DTWD1: variants seen among roughly 807,000 people sequenced by gnomAD.
The protein encoded by DTWD1 is tRNA-uridine aminocarboxypropyltransferase 1.
In DTWD1, 27 loss-of-function variants were observed where a neutral mutation model predicts 30.2. The ratio of observed to expected loss-of-function variants is 0.90; its 90% CI spans 0.66 to 1.23. The LOEUF is 1.23. Among genes scored for constraint, DTWD1 ranks in the 50% most tolerant of loss-of-function variants. DTWD1 has a pLI of 0.00. For missense variants in DTWD1, 342 were observed against 348.8 expected (o/e 0.98, Z 0.15); for synonymous variants, 99 against 113.1 (o/e 0.88, Z 0.79).
chr15:49,624,629 G>A (rs1028546273), intron 1 of DTWD1, among the ~76,000 whole-genome samples: 19 of 152,100 alleles, frequency 1.2e-4, no homozygotes, highest in Admixed American at 4.6e-4. Flanking sequence ...TGGATATGAA[G>A]TTTTATATGT....
intron 2 of DTWD1, among the ~76,000 whole-genome samples, chr15:49,629,390 A>G (rs142920213): frequency 1.8e-4 from 27 of 152,326 alleles, no homozygotes; most frequent in East Asian, 9.6e-4. Context: ...AAATTTGTCA[A>G]TAACACTCCT....
intron 4 of DTWD1, 52 bp from the exon 5 acceptor site, chr15:49,643,279 A>T: frequency 6.9e-7 from 1 of 1,449,240 alleles, no homozygotes; most frequent in Non-Finnish European, 9.1e-7. Context: ...TTAAGAAGAA[A>T]TATTTATATT....
At chr15:49,622,587 C>G (rs2078765137) in intron 1 of DTWD1, among the ~76,000 whole-genome samples, 1 of 152,168 alleles carries the variant, frequency 6.6e-6, no homozygotes, top group Admixed American at 6.5e-5. Flanking sequence ...GTCTTTTTAG[C>G]CCCCATGACT....
intron 1 of DTWD1, among the ~76,000 whole-genome samples, chr15:49,622,124 T>C (rs2078745255): frequency 6.6e-6 from 1 of 152,190 alleles, no homozygotes; most frequent in South Asian, 2.1e-4. Flanking sequence ...CTGGATGTGT[T>C]TTGCAGAATG....
At position 49,654,271 on chromosome 15, in the gene DTWD1, G is replaced by A. The variant is rs2079167913; in HGVS notation, c.*10693G>A. On this transcript the variant is annotated 3_prime_UTR_variant, in exon 5 of 5. Transcript: ENST00000403028. ...GTACAGAGTAAGTACATTTTTGCAT[G>A]TTAGTGAGACAAGAACTGTGGCCGG... is the stretch of plus-strand genomic sequence containing the variant. 2 of 152,070 alleles carry A rather than the reference G, an allele frequency of 1.3e-5. No homozygotes were observed. The highest frequency in any genetic ancestry group is 2.9e-5 in the Non-Finnish European group (2 of 68,018). The allele number at this position is 152,070 out of a possible 1,614,324, so 9.4% of individuals were successfully genotyped here. A position where few individuals can be genotyped will look rare whatever the true frequency, so the allele number is the denominator to read the frequency against.
rs1033960266 is a variant in DTWD1, at chr15:49,643,624, A to G, written c.*46A>G. 6.6e-7 allele frequency: 1 copy of G among 1,516,382 alleles called. No individual in the cohort carries two copies. The highest frequency in any genetic ancestry group is 1.4e-5 in the African/African-American group (1 of 70,406). 93.9% of individuals were successfully genotyped at this position (1,516,382 alleles called of 1,614,324 possible). On this transcript the variant is annotated 3_prime_UTR_variant, in exon 5 of 5. Transcript: ENST00000403028. Reference sequence around the variant, plus strand: ...TCTTTTTATTTTGCTAACATTAATAAACTTATATTTGTGCTTTGTTTTTTC... The same window carrying G: ...TCTTTTTATTTTGCTAACATTAATAGACTTATATTTGTGCTTTGTTTTTTC...
intron 3 of DTWD1, among the ~76,000 whole-genome samples, chr15:49,633,963 G>T (rs893114630): frequency 6.6e-6 from 1 of 152,090 alleles, no homozygotes; most frequent in Admixed American, 6.5e-5. Flanking sequence ...CTTAGATATT[G>T]TAAGTGTCTG....
Position 49,643,605 on chromosome 15 carries a change from T to G in DTWD1, c.*27T>G. 1 of 1,549,838 alleles carries G rather than the reference T, an allele frequency of 6.5e-7. No homozygotes were observed. Among genetic ancestry groups the G allele is most frequent in the East Asian group, 2.3e-5 (1 of 43,818 alleles). ...TTTTAACAAGCCACTTATGTCTTTT[T>G]ATTTTGCTAACATTAATAAACTTAT... is the stretch of plus-strand genomic sequence containing the variant. On this transcript the variant is annotated 3_prime_UTR_variant, in exon 5 of 5. Coordinates refer to ENST00000403028, the MANE Select transcript of DTWD1 (RefSeq NM_001144955.2).
chr15:49,643,559 CAGGAAA>C lies in DTWD1; in HGVS notation c.898_903del (p.Gly300_Lys301del). 6.3e-7 allele frequency: 1 copy of C among 1,594,792 alleles called. No homozygotes were observed. Among genetic ancestry groups the C allele is most frequent in the South Asian group, 1.2e-5 (1 of 86,772 alleles). On this transcript the variant is annotated inframe_deletion, in exon 5 of 5. Transcript: ENST00000403028. ...GCCAAATGCTCTGGAGATAAGGAAA[CAGGAAA>C]ACTTACACATTAGTTTTTAACAAGC...
In DTWD1 at chr15:49,632,622, T is replaced by C. The variant is rs2078938503; in HGVS notation, c.408+320T>C. Among the ~76,000 whole-genome samples the C allele has an allele frequency of 2.0e-5, 3 of 152,186 alleles. No individual in the cohort carries two copies. In the South Asian group the frequency reaches 6.2e-4, roughly 32 times the overall value. On this transcript the variant is annotated intron_variant, in intron 3 of 4. Transcript: ENST00000403028. The stretch of plus-strand genomic sequence containing the variant: ...TTCTCCTGTTTGTGCTACATATAGA[T>C]GATCTAATTTGATGCAAACTGGGAA...
Position 49,632,149 on chromosome 15 carries a change from T to G in DTWD1, c.265-10T>G. On this transcript the variant is annotated splice_polypyrimidine_tract_variant and intron_variant, in intron 2 of 4. Transcript: ENST00000403028. ...ATATATTTTTTTATTTGTGCTTTTT[T>G]TACCTTTAGCTTCCATTGAAGATTG... The G allele has an allele frequency of 6.4e-7, 1 of 1,552,704 alleles. No homozygotes were observed. The highest frequency in any genetic ancestry group is 2.3e-5 in the East Asian group (1 of 43,810).
At chr15:49,631,990 T>A (rs1209026445) in intron 2 of DTWD1, 169 bp from the exon 3 acceptor site, 1 of 707,490 alleles carries the variant, frequency 1.4e-6, no homozygotes, top group Non-Finnish European at 2.4e-6. Flanking sequence ...GAAATTTGGG[T>A]TGGTTTTGTA....
intron 4 of DTWD1, among the ~76,000 whole-genome samples, chr15:49,637,939 T>C (rs1286959185): frequency 6.6e-6 from 1 of 152,186 alleles, no homozygotes; most frequent in Non-Finnish European, 1.5e-5. Context: ...CTTTGTGTCT[T>C]ATGTGTGTGG....
rs1241011664 is a variant in DTWD1, at chr15:49,621,056, G to C, written c.-122G>C. ...CTGGTCCGTGCGCGATCACGGCCCG[G>C]CGCGTGGCTCGGGCTCGGGCGGAGC... On this transcript the variant is annotated 5_prime_UTR_variant, in exon 1 of 5. Coordinates refer to ENST00000403028, the MANE Select transcript of DTWD1 (RefSeq NM_001144955.2). 1 of 152,604 alleles carries C rather than the reference G, an allele frequency of 6.6e-6. No individual in the cohort carries two copies. The highest frequency in any genetic ancestry group is 1.5e-5 in the Non-Finnish European group (1 of 68,332). 9.5% of individuals were successfully genotyped at this position (152,604 alleles called of 1,614,324 possible). A position where few individuals can be genotyped will look rare whatever the true frequency, so the allele number is the denominator to read the frequency against.
chr15:49,631,032 C>G (rs1027277245), intron 2 of DTWD1: 1 of 441,206 alleles, frequency 2.3e-6, no homozygotes, highest in East Asian at 7.2e-5. Context: ...AAAACCAGCT[C>G]AGGGATCCTG....
chr15:49,635,052 CTT>C (rs1234989427), intron 4 of DTWD1, among the ~76,000 whole-genome samples: 1 of 151,206 alleles, frequency 6.6e-6, no homozygotes, highest in Non-Finnish European at 1.5e-5. Flanking sequence ...CCTTTTTTTT[CTT>C]GAGACAGTCC....
intron 4 of DTWD1, among the ~76,000 whole-genome samples, chr15:49,640,300 A>C (rs771330437): frequency 2.0e-5 from 3 of 152,022 alleles, no homozygotes; most frequent in African/African-American, 7.2e-5. Flanking sequence ...AGTTTATTCT[A>C]TTTCACTGCT....
rs2078824598 is a variant in DTWD1, at chr15:49,625,194, C to CA, written c.30dup (p.Arg11ThrfsTer3). 3 of 1,613,110 alleles carry CA rather than the reference C, an allele frequency of 1.9e-6. No homozygotes were observed. In the Admixed American group the frequency reaches 5.0e-5, roughly 27 times the overall value. ...TGTCTCTCAATCCACCTATATTTCTCAAACGAAGTGAAGAAAATAGTTCAA... is the reference window on the plus strand; with the variant it reads ...TGTCTCTCAATCCACCTATATTTCTCAAAACGAAGTGAAGAAAATAGTTCAA... On this transcript the variant is annotated frameshift_variant, in exon 2 of 5. Transcript: ENST00000403028. LOFTEE classifies it high-confidence loss of function.
At chr15:49,635,105 G>C (rs2078984284) in intron 4 of DTWD1, among the ~76,000 whole-genome samples, 1 of 152,022 alleles carries the variant, frequency 6.6e-6, no homozygotes, top group Non-Finnish European at 1.5e-5. Flanking sequence ...CACAATCTTG[G>C]CTCACTGCAA....
Sources: allele counts gnomAD v4.1 joint callset (sites outside exome capture counted in the v4.1 genomes callset), GRCh38; gene constraint gnomAD v4.1.1; transcripts MANE v1.5; gene names NCBI Gene and HGNC (gene_info 2026-07-23, HGNC 2026-07-21).